Variants in CATSPERE observed in about 807,000 individuals in gnomAD.
The protein encoded by CATSPERE is catsper channel auxiliary subunit epsilon.
A neutral mutation model predicts 114.1 loss-of-function variants in CATSPERE; 93 were observed. The observed-to-expected ratio is 0.81, with a 90% CI of 0.69 to 0.97. The LOEUF (loss-of-function observed/expected upper bound fraction) is 0.97. Ranked by LOEUF, CATSPERE falls within the 50% of genes least tolerant of loss-of-function variation. The pLI, the probability that CATSPERE is intolerant of heterozygous loss-of-function variation, is 0.00. For synonymous variants in CATSPERE, 341 were observed against 384.1 expected, an observed-to-expected ratio of 0.89 and a Z score of 1.31; for missense variants, 1,058 against 1,131.6, an observed-to-expected ratio of 0.93 and a Z score of 0.93.
chr1:244,468,153 C>T (rs1030383014), intron 2 of CATSPERE, among the ~76,000 whole-genome samples: 18 of 150,774 alleles, frequency 1.2e-4, no homozygotes, highest in African/African-American at 3.9e-4. Flanking sequence ...GAGTGCAGTG[C>T]GCAATCTTGG....
intron 20 of CATSPERE, among the ~76,000 whole-genome samples, chr1:244,620,534 T>A (rs1270098600): frequency 6.6e-6 from 1 of 152,122 alleles, no homozygotes; most frequent in East Asian, 1.9e-4. Context: ...TACAATAATC[T>A]CATGGTGAAC....
intron 2 of CATSPERE, among the ~76,000 whole-genome samples, chr1:244,473,996 AT>A (rs1668872384): frequency 6.7e-6 from 1 of 148,288 alleles, no homozygotes; most frequent in Non-Finnish European, 1.5e-5. Context: ...CTGCTCTTTT[AT>A]TTACTCTTTT....
At chr1:244,497,244 T>G (rs1340588615) in intron 6 of CATSPERE, among the ~76,000 whole-genome samples, 1 of 152,130 alleles carries the variant, frequency 6.6e-6, no homozygotes, top group African/African-American at 2.4e-5. Flanking sequence ...TCCATAAAGC[T>G]GGAAGATAAG....
At chr1:244,586,033 G>A (rs1572886082) in intron 13 of CATSPERE, among the ~76,000 whole-genome samples, 2 of 152,186 alleles carry the variant, frequency 1.3e-5, no homozygotes, top group African/African-American at 2.4e-5. Context: ...GAAGAAATAC[G>A]CTGTGTCCAA....
chr1:244,577,484 AC>A (rs1665463818), intron 11 of CATSPERE, among the ~76,000 whole-genome samples: 1 of 152,216 alleles, frequency 6.6e-6, no homozygotes, highest in Non-Finnish European at 1.5e-5. Flanking sequence ...GTGGCTTATA[AC>A]AACAGAAATT....
chr1:244,610,520 TG>T (rs760031645), intron 19 of CATSPERE, 194 bp downstream of exon 19: 110 of 676,008 alleles, frequency 1.6e-4, no homozygotes, highest in South Asian at 4.0e-4. Flanking sequence ...TTGTTGGTTC[TG>T]TGTTACTATT....
chr1:244,492,390 A>G (rs1352282470), intron 6 of CATSPERE, among the ~76,000 whole-genome samples: 2 of 148,346 alleles, frequency 1.3e-5, no homozygotes, highest in Non-Finnish European at 3.0e-5. Context: ...GACAAAATTC[A>G]ACAACCCTTC....
rs553969166 is a variant in CATSPERE, at chr1:244,527,814, G to A, written c.536+9116G>A. Reference sequence around the variant, plus strand: ...TGCCGTGGCTTCAGCTGGTCCCTCCGTTCAGGGTCCCTGACTTCCCGCAAC... The same window carrying A: ...TGCCGTGGCTTCAGCTGGTCCCTCCATTCAGGGTCCCTGACTTCCCGCAAC... On this transcript the variant is annotated intron_variant, in intron 8 of 21. Transcript: ENST00000366534. 1.4e-4 allele frequency among the ~76,000 whole-genome samples: 21 copies of A among 152,198 alleles called. No individual in the cohort carries two copies. In the South Asian group the frequency reaches 2.5e-3, roughly 18 times the overall value.
At chr1:244,528,785 C>CCACGCACGTGCACA (rs1553342506) in intron 8 of CATSPERE, among the ~76,000 whole-genome samples, 1 of 130,536 alleles carries the variant, frequency 7.7e-6, no homozygotes, top group African/African-American at 3.0e-5. Flanking sequence ...CAATCCCCCA[C>CCACGCACGTGCACA]CACACACACA....
intron 6 of CATSPERE, among the ~76,000 whole-genome samples, chr1:244,492,387 T>G (rs545373987): frequency 1.5e-4 from 22 of 151,634 alleles, no homozygotes; most frequent in African/African-American, 5.3e-4. Flanking sequence ...TTTGACAAAA[T>G]TCAACAACCC....
chr1:244,455,161 G>C (rs141655083), intron 1 of CATSPERE, among the ~76,000 whole-genome samples: 69 of 152,264 alleles, frequency 4.5e-4, no homozygotes, highest in African/African-American at 1.5e-3. Context: ...TTTGCCTCTT[G>C]ACAGTGGGGG....
At position 244,633,385 on chromosome 1, in the gene CATSPERE, G is replaced by A. The variant is rs188667400; in HGVS notation, c.2649-2104G>A. Among the ~76,000 whole-genome samples, 1 of 152,246 alleles carries A rather than the reference G, an allele frequency of 6.6e-6. No individual in the cohort carries two copies. Among genetic ancestry groups the A allele is most frequent in the East Asian group, 1.9e-4 (1 of 5,190 alleles). Reference sequence around the variant, plus strand: ...AAAGGTCAACTTGGCCCTCTTTTCAGTCACAATTGCCTCTACCCAAGTCTA... The same window carrying A: ...AAAGGTCAACTTGGCCCTCTTTTCAATCACAATTGCCTCTACCCAAGTCTA... On this transcript the variant is annotated intron_variant, in intron 20 of 21. Transcript: ENST00000366534. This position sits in a 1 kb window ranked among gnomAD's most constrained non-coding sequence, Gnocchi z 4.1.
intron 2 of CATSPERE, among the ~76,000 whole-genome samples, chr1:244,473,768 G>T (rs569421504): frequency 6.6e-6 from 1 of 151,922 alleles, no homozygotes; most frequent in African/African-American, 2.4e-5. Flanking sequence ...GCATGTATTG[G>T]GTCTTGCTGT....
chr1:244,479,295 G>C (rs904609383), intron 4 of CATSPERE, among the ~76,000 whole-genome samples: 1 of 152,062 alleles, frequency 6.6e-6, no homozygotes, highest in Non-Finnish European at 1.5e-5. Flanking sequence ...GTTTCACCAT[G>C]TTGGTCAGGC....
chr1:244,485,551 T>G (rs1449576653), intron 5 of CATSPERE, among the ~76,000 whole-genome samples: 1 of 152,128 alleles, frequency 6.6e-6, no homozygotes, highest in Non-Finnish European at 1.5e-5. Flanking sequence ...GAAATGTATA[T>G]CACCTTTTAA....
In CATSPERE at chr1:244,568,086, A is replaced by C. The variant is rs1246228924; in HGVS notation, c.1508-4244A>C. Among the ~76,000 whole-genome samples, 3 of 152,014 alleles carry C rather than the reference A, an allele frequency of 2.0e-5. No homozygotes were observed. The highest frequency in any genetic ancestry group is 7.3e-5 in the African/African-American group (3 of 41,374). On this transcript the variant is annotated intron_variant, in intron 10 of 21. Transcript: ENST00000366534. This position sits in a 1 kb window ranked among gnomAD's most constrained non-coding sequence, Gnocchi z 4.4. ...CTTTCTGTTTGTTAGTTTTCCTTCTAACAGTCAGGCTCCTCTCCTGCAGGT... is the reference window on the plus strand; with the variant it reads ...CTTTCTGTTTGTTAGTTTTCCTTCTCACAGTCAGGCTCCTCTCCTGCAGGT...
chr1:244,481,225 TGGACC>T (rs1213692514), intron 5 of CATSPERE, among the ~76,000 whole-genome samples: 1 of 152,074 alleles, frequency 6.6e-6, no homozygotes, highest in East Asian at 1.9e-4. Context: ...CCAGGGCAGG[TGGACC>T]TGAAGTCAGG....
At chr1:244,615,642 A>G (rs1671284189) in intron 19 of CATSPERE, among the ~76,000 whole-genome samples, 1 of 151,982 alleles carries the variant, frequency 6.6e-6, no homozygotes, top group Non-Finnish European at 1.5e-5. Flanking sequence ...CGGGACCACT[A>G]TTGTATATGT....
At chr1:244,578,250 T>G (rs573730782) in intron 11 of CATSPERE, among the ~76,000 whole-genome samples, 1 of 152,302 alleles carries the variant, frequency 6.6e-6, no homozygotes, top group African/African-American at 2.4e-5. Context: ...ACCTCCTGGT[T>G]CAATTGATCT....
Sources: allele counts gnomAD v4.1 joint callset (sites outside exome capture counted in the v4.1 genomes callset), GRCh38; gene constraint gnomAD v4.1.1; non-coding constraint Gnocchi (gnomAD v3.1); transcripts MANE v1.5; gene names NCBI Gene and HGNC (gene_info 2026-07-23, HGNC 2026-07-21).